SLFN14: variants seen among roughly 807,000 people sequenced by gnomAD.
SLFN14 encodes protein SLFN14.
Under a neutral mutation model 58.6 loss-of-function variants are expected in SLFN14, and 47 were observed. That is an observed-to-expected ratio of 0.80 (90% CI 0.64 to 1.02). SLFN14 has a LOEUF of 1.02. SLFN14 is among the 50% of genes least tolerant of loss of function. SLFN14 has a pLI of 0.00. For synonymous variants in SLFN14, 390 were observed against 387.3 expected (o/e 1.01, Z -0.08); for missense variants, 967 against 1,078.4 (o/e 0.90, Z 1.45).
In SLFN14 at chr17:35,548,320, T is replaced by C; in HGVS notation, c.2658A>G (p.Ser886=). ...CAAAGCAGAGCTTATGAAATTCCTCTGACTGGTCACATTCTGGACTAAGCC... is the reference window on the plus strand; with the variant it reads ...CAAAGCAGAGCTTATGAAATTCCTCCGACTGGTCACATTCTGGACTAAGCC... ...VFGLSPECDQ[S]EEFHKLCFAS... Residue 886 remains serine, a synonymous_variant, in exon 6 of 6, where the codon TCA becomes TCG. Transcript: ENST00000674182. 1 of 1,551,734 alleles carries C rather than the reference T, an allele frequency of 6.4e-7. No individual in the cohort carries two copies. The highest frequency in any genetic ancestry group is 1.2e-5 in the South Asian group (1 of 84,066).
At chr17:35,554,828 C>T (rs1396813021) in intron 3 of SLFN14, 124 bp from the exon 4 acceptor site, 14 of 771,474 alleles carry the variant, frequency 1.8e-5, no homozygotes, top group Admixed American at 4.2e-5. Flanking sequence ...CCTGAGCAGT[C>T]GTACTTACTA....
rs1178985427 is a variant in SLFN14 at position 35,552,888 on chromosome 17, A to G, written c.1746T>C (p.Ser582=). The change falls in exon 5 of 6, where the codon AGT becomes AGC. Residue 582 remains serine (S), a synonymous_variant. Transcript: ENST00000674182. ...TGAATAATTCACGTGTCTTCTGAAG[A>G]CTCTCAGAAAGCAACTGGCTCTGCT... ...IMEQSQLLSE[S]LQKTRELFIY... is the part of the protein sequence containing the mutation. The G allele has an allele frequency of 6.4e-7, 1 of 1,551,394 alleles. No homozygotes were observed. Among genetic ancestry groups the G allele is most frequent in the Non-Finnish European group, 8.7e-7 (1 of 1,146,954 alleles).
At chr17:35,559,919 C>A (rs4531775) in intron 1 of SLFN14, among the ~76,000 whole-genome samples, 114 bp from the exon 2 acceptor site, 11,071 of 152,208 alleles carry the variant, frequency 0.073, 460 homozygotes, top group Middle Eastern at 0.12. Flanking sequence ...CCATAACATT[C>A]TATTTATATC....
chr17:35,555,351 G>A (rs528044737), intron 3 of SLFN14, among the ~76,000 whole-genome samples: 38 of 149,470 alleles, frequency 2.5e-4, no homozygotes, highest in Admixed American at 1.6e-3. Context: ...CAGCCTGGGT[G>A]ACAGAGCGAG....
Position 35,548,687 on chromosome 17 carries a change from A to G in SLFN14, c.2291T>C (p.Leu764Ser), listed in dbSNP as rs1216791801. The G allele has an allele frequency of 1.7e-5, 26 of 1,551,740 alleles. No homozygotes were observed. Among genetic ancestry groups the G allele is most frequent in the Non-Finnish European group, 2.2e-5 (25 of 1,147,006 alleles). The change falls in exon 6 of 6, where the codon TTG becomes TCG. Residue 764 changes from leucine to serine, a missense_variant. By Grantham distance (145) the Leu-to-Ser change is moderately radical. Coordinates refer to ENST00000674182, the MANE Select transcript of SLFN14 (RefSeq NM_001129820.2). ...TTCCTCATAGGCAGTCTCGCTGAAC[A>G]ATGCTAATGTGTCTGGAGACATGTT... Reference protein sequence around the residue: ...PSNMSPDTLALFSETAYEEAT... With the variant: ...PSNMSPDTLASFSETAYEEAT...
rs1177485595 is a variant in SLFN14, at chr17:35,553,351, A to G, written c.1283T>C (p.Ile428Thr). Residue 428 changes from isoleucine to threonine, a missense_variant, in exon 5 of 6, where the codon ATA becomes ACA. By Grantham distance (89) the Ile-to-Thr change is moderately conservative. Transcript: ENST00000674182. ...KELEGLMKTL[I>T]HPCSQGIVIF... ...CACAATCCCCTGAGAACAAGGATGT[A>G]TCAGGGTCTTCATTAAACCCTCCAG... 6.4e-7 allele frequency: 1 copy of G among 1,551,676 alleles called. No individual in the cohort carries two copies. The highest frequency in any genetic ancestry group is 1.4e-5 in the African/African-American group (1 of 73,178).
At position 35,548,522 on chromosome 17, in the gene SLFN14, C is replaced by T. The variant is rs1597900886; in HGVS notation, c.2456G>A (p.Cys819Tyr). 6.4e-7 allele frequency: 1 copy of T among 1,551,734 alleles called. No individual in the cohort carries two copies. Among genetic ancestry groups the T allele is most frequent in the Non-Finnish European group, 8.7e-7 (1 of 1,146,990 alleles). ...GYLPKDIAIL[C>Y]RRGEDRGRYR... ...GCGTCCTCTGTCCTCCCCTCTCCTG[C>T]ACAGAATTGCTATATCTTTGGGCAG... is the stretch of plus-strand genomic sequence containing the variant. The change falls in exon 6 of 6, where the codon TGC becomes TAC. Residue 819 changes from cysteine to tyrosine, a missense_variant. Transcript: ENST00000674182.
chr17:35,552,978 G>A lies in SLFN14; in HGVS notation c.1656C>T (p.Ser552=), dbSNP rs1259919245. The A allele has an allele frequency of 6.4e-7, 1 of 1,551,494 alleles. No individual in the cohort carries two copies. The highest frequency in any genetic ancestry group is 8.7e-7 in the Non-Finnish European group (1 of 1,146,948). ...CACTCAGAAGAGATCTGGAGGACAG[G>A]GAGACCACCACCAGAGCCTGCAGCA... ...EDLLQALVVV[S]LSSRSLLSDQ... is the part of the protein sequence containing the mutation. The change falls in exon 5 of 6, where the codon TCC becomes TCT. Residue 552 remains serine, a synonymous_variant. Transcript: ENST00000674182.
chr17:35,559,095 G>A (rs1259474228), intron 2 of SLFN14, among the ~76,000 whole-genome samples: 2 of 151,982 alleles, frequency 1.3e-5, no homozygotes, highest in African/African-American at 2.4e-5. Context: ...GTATGGTGGT[G>A]CGCACCTGCA....
chr17:35,554,249 A>G (rs950576603), intron 4 of SLFN14, among the ~76,000 whole-genome samples: 1 of 150,424 alleles, frequency 6.6e-6, no homozygotes, highest in Non-Finnish European at 1.5e-5. Context: ...GCACACAGAA[A>G]TAGTAATAGT....
At position 35,548,737 on chromosome 17, in the gene SLFN14, C is replaced by T; in HGVS notation, c.2241G>A (p.Lys747=). Residue 747 remains lysine, a synonymous_variant, in exon 6 of 6, where the codon AAG becomes AAA. Coordinates refer to ENST00000674182, the MANE Select transcript of SLFN14 (RefSeq NM_001129820.2). ...EIAKVMKEEM[K]RIKENPPSNM... ...TGGAGGGAGGATTTTCTTTGATCCTCTTCATTTCTTCTTTCATAACCTTCG... is the reference window on the plus strand; with the variant it reads ...TGGAGGGAGGATTTTCTTTGATCCTTTTCATTTCTTCTTTCATAACCTTCG... 6.4e-7 allele frequency: 1 copy of T among 1,551,706 alleles called. No individual in the cohort carries two copies. The highest frequency in any genetic ancestry group is 8.7e-7 in the Non-Finnish European group (1 of 1,146,988).
intron 5 of SLFN14, 35 bp from the exon 6 acceptor site, chr17:35,549,108 T>C (rs748657902): frequency 2.1e-5 from 32 of 1,490,152 alleles, no homozygotes; most frequent in Non-Finnish European, 2.8e-5. Flanking sequence ...TTGAGGCATA[T>C]CAACAAAGAG....
rs1222666966 is a variant in SLFN14, at chr17:35,547,802, T to C, written c.*437A>G. On this transcript the variant is annotated 3_prime_UTR_variant, in exon 6 of 6. Transcript: ENST00000674182. ...GGTGGGCTGGGGTGCATGAGAAACA[T>C]GGGGAGATGGAGATACAATAAAGGA... 6.6e-6 allele frequency among the ~76,000 whole-genome samples: 1 copy of C among 151,958 alleles called. No homozygotes were observed. Among genetic ancestry groups the C allele is most frequent in the African/African-American group, 2.4e-5 (1 of 41,370 alleles).
intron 5 of SLFN14, among the ~76,000 whole-genome samples, chr17:35,552,429 CAA>C (rs952285467): frequency 6.6e-6 from 1 of 151,940 alleles, no homozygotes; most frequent in African/African-American, 2.4e-5. Context: ...TAGGCAAAAA[CAA>C]GAGGTAAAGA....
At chr17:35,556,981 C>G in intron 3 of SLFN14, 22 bp downstream of exon 3, 1 of 1,532,548 alleles carries the variant, frequency 6.5e-7, no homozygotes. Flanking sequence ...CTGATGGGGA[C>G]AATGACTTCA....
At chr17:35,554,207 A>G (rs1197820633) in intron 4 of SLFN14, among the ~76,000 whole-genome samples, 1 of 151,476 alleles carries the variant, frequency 6.6e-6, no homozygotes, top group Non-Finnish European at 1.5e-5. Context: ...AAATTTGGAA[A>G]ACAAAAGCCA....
Position 35,557,011 on chromosome 17 carries a change from G to T in SLFN14, c.1052C>A (p.Thr351Asn). ...ACTTCACTTCCCTTTACCTGACTGA[G>T]TATCCAGCATCATGACCACCCACTG... The part of the protein sequence containing the change: ...AEQWVVMMLD[T>N]QSAPPSLVTD... Residue 351 changes from threonine (T) to asparagine (N), a missense_variant, in exon 3 of 6, where the codon ACT (threonine) becomes AAT (asparagine). Coordinates refer to ENST00000674182, the MANE Select transcript of SLFN14 (RefSeq NM_001129820.2). 2 of 1,550,428 alleles carry T rather than the reference G, an allele frequency of 1.3e-6. No individual in the cohort carries two copies. The highest frequency in any genetic ancestry group is 1.4e-5 in the African/African-American group (1 of 73,090).
At chr17:35,560,300 A>T (rs1282487708) in intron 1 of SLFN14, among the ~76,000 whole-genome samples, 1 of 152,214 alleles carries the variant, frequency 6.6e-6, no homozygotes, top group African/African-American at 2.4e-5. Context: ...CTAGCTCGAG[A>T]TGAATATCCT....
rs368754496 is a variant in SLFN14, at chr17:35,553,608, C to A, written c.1190-164G>T. 1.0e-4 allele frequency: 63 copies of A among 629,434 alleles called. No individual in the cohort carries two copies. The African/African-American group carries it at 1.1e-3, about 11-fold the overall frequency. 39.0% of individuals were successfully genotyped at this position (629,434 alleles called of 1,614,324 possible). Reference sequence around the variant, plus strand: ...GAGCAGTTTTACTCCCCAACTCTCCCCCATCCCCACGGACATTTGGCAATG... The same window carrying A: ...GAGCAGTTTTACTCCCCAACTCTCCACCATCCCCACGGACATTTGGCAATG... On this transcript the variant is annotated intron_variant, in intron 4 of 5. Transcript: ENST00000674182.
Sources: allele counts gnomAD v4.1 joint callset (sites outside exome capture counted in the v4.1 genomes callset), GRCh38; gene constraint gnomAD v4.1.1; transcripts MANE v1.5; gene names NCBI Gene and HGNC (gene_info 2026-07-23, HGNC 2026-07-21).